TENT4A: variants seen among roughly 807,000 people sequenced by gnomAD.
TENT4A encodes the protein terminal nucleotidyltransferase 4A.
TENT4A carries 7 observed loss-of-function variants against 72.8 expected under a neutral mutation model. The observed-to-expected ratio is 0.10, with a 90% confidence interval of 0.05 to 0.18. The LOEUF is 0.18. Among genes scored for constraint, TENT4A ranks in the 10% least tolerant of loss-of-function variants. TENT4A has a pLI of 1.00. For missense variants in TENT4A, 831 were observed against 1,017.7 expected, an observed-to-expected ratio of 0.82 and a Z score of 2.50; for synonymous variants, 456 against 434.3, an observed-to-expected ratio of 1.05 and a Z score of -0.62.
At chr5:6,732,834 C>T (rs939008251) in intron 1 of TENT4A, among the ~76,000 whole-genome samples, 1 of 152,088 alleles carries the variant, frequency 6.6e-6, no homozygotes, top group South Asian at 2.1e-4. Context: ...GGAAGCTGAC[C>T]CTGCTCTCTG....
intron 2 of TENT4A, among the ~76,000 whole-genome samples, chr5:6,738,109 T>C (rs1289369938): frequency 6.6e-6 from 1 of 152,146 alleles, no homozygotes; most frequent in African/African-American, 2.4e-5. Flanking sequence ...AACAAGTGTT[T>C]TTTGACATGT....
chr5:6,754,682 C>A, intron 12 of TENT4A, 69 bp from the exon 13 acceptor site: 2 of 1,298,238 alleles, frequency 1.5e-6, no homozygotes, highest in South Asian at 1.6e-5. Flanking sequence ...TTAGTGTGGT[C>A]ACTGCCCGAG....
chr5:6,738,850 A>G, intron 3 of TENT4A, 121 bp downstream of exon 3: 1 of 758,876 alleles, frequency 1.3e-6, no homozygotes, highest in South Asian at 1.5e-5. Context: ...AGCTAAAGGA[A>G]AAGACTGTGG....
intron 2 of TENT4A, 26 bp downstream of exon 2, chr5:6,737,659 G>A: frequency 6.2e-7 from 1 of 1,608,282 alleles, no homozygotes; most frequent in Non-Finnish European, 8.5e-7. Flanking sequence ...GGAGTTCTGT[G>A]TCGCACGTCA....
intron 1 of TENT4A, among the ~76,000 whole-genome samples, chr5:6,735,748 G>GT (rs35689170): frequency 0.59 from 87,931 of 148,934 alleles, 26,755 homozygotes; most frequent in Non-Finnish European, 0.67. Flanking sequence ...TTGGGGTGAG[G>GT]TTTTTTCTTA....
chr5:6,752,920 T>C lies in TENT4A; in HGVS notation c.2067T>C (p.Pro689=), dbSNP rs1418712784. 4.3e-6 allele frequency: 7 copies of C among 1,614,206 alleles called. No homozygotes were observed. The highest frequency in any genetic ancestry group is 5.9e-6 in the Non-Finnish European group (7 of 1,180,034). ...CGACCCTAGGGGTTGCTCCTGTTCC[T>C]TGCAGACAAGCTGGTGTAGAAGGAA... ...PPPTLGVAPV[P]CRQAGVEGTA... The change falls in exon 12 of 13, where the codon CCT becomes CCC. Residue 689 remains proline, a synonymous_variant. Transcript: ENST00000230859.
Position 6,740,774 on chromosome 5 carries a change from C to T in TENT4A, c.1008+922C>T, listed in dbSNP as rs573262892. On this transcript the variant is annotated intron_variant, in intron 4 of 12. Coordinates refer to ENST00000230859, the MANE Select transcript of TENT4A (RefSeq NM_006999.6). ...GCAGCACCAGAGGTTCCCTCCAGGC[C>T]CAGGTTCCAGAAGGGGCTGTTGGCT... Among the ~76,000 whole-genome samples the T allele has an allele frequency of 1.6e-4, 25 of 152,328 alleles. 1 individual carries two copies. In the South Asian group the frequency reaches 4.6e-3, roughly 28 times the overall value.
rs1031549535 is a variant in TENT4A at position 6,754,045 on chromosome 5, CACAGGCTGCTGCATGCTGGGATCG to C, written c.2185-694_2185-671del. 5.3e-5 allele frequency among the ~76,000 whole-genome samples: 8 copies of C among 152,224 alleles called. No homozygotes were observed. The East Asian group carries it at 1.5e-3, about 29-fold the overall frequency. ...GAATGTGCTTTGGGTGTAGCCCAAG[CACAGGCTGCTGCATGCTGGGATCG>C]ACAGGCTGCTGAGGGCGAGAGCGCC... On this transcript the variant is annotated intron_variant, in intron 12 of 12. Transcript: ENST00000230859.
In TENT4A at chr5:6,738,532, T is replaced by G. The variant is rs75302839; in HGVS notation, c.841-151T>G. The G allele has an allele frequency of 7.5e-4, 504 of 675,258 alleles. 3 individuals are homozygous for G. In the African/African-American group the frequency reaches 8.1e-3, roughly 11 times the overall value. The allele number at this position is 675,258 out of a possible 1,614,324, so 41.8% of individuals were successfully genotyped here. ...CTTTAACTTAAAGGGAATTTTCTGG[T>G]TGATTGTTATACGGTCCCCTCCATC... On this transcript the variant is annotated intron_variant, in intron 2 of 12. Transcript: ENST00000230859.
intron 1 of TENT4A, among the ~76,000 whole-genome samples, chr5:6,719,877 C>G (rs1740560480): frequency 6.6e-6 from 1 of 152,164 alleles, no homozygotes; most frequent in African/African-American, 2.4e-5. Flanking sequence ...TTTTGTGTGT[C>G]AGATCAGGGA....
At chr5:6,751,018 G>C in intron 10 of TENT4A, 21 bp from the exon 11 acceptor site, 2 of 1,603,240 alleles carry the variant, frequency 1.2e-6, no homozygotes, top group Non-Finnish European at 1.7e-6. Context: ...TGTCCTTTTT[G>C]TTTTTTGTAC....
intron 6 of TENT4A, among the ~76,000 whole-genome samples, chr5:6,745,540 C>T (rs1459664145): frequency 6.6e-6 from 1 of 152,076 alleles, no homozygotes; most frequent in Non-Finnish European, 1.5e-5. Flanking sequence ...TGTTTTAATT[C>T]ATTTAAATAG....
intron 1 of TENT4A, among the ~76,000 whole-genome samples, chr5:6,730,892 A>G (rs1741177744): frequency 6.6e-6 from 1 of 152,230 alleles, no homozygotes; most frequent in Non-Finnish European, 1.5e-5. Context: ...CAGTAAATGG[A>G]TACTTTAAAG....
chr5:6,740,712 A>G (rs1223016712), intron 4 of TENT4A, among the ~76,000 whole-genome samples: 3 of 152,230 alleles, frequency 2.0e-5, no homozygotes, highest in Non-Finnish European at 4.4e-5. Context: ...CGAAGTGCAC[A>G]TGCTCATGTC....
intron 12 of TENT4A, among the ~76,000 whole-genome samples, chr5:6,754,107 G>C (rs937028704): frequency 6.6e-6 from 1 of 152,228 alleles, no homozygotes; most frequent in African/African-American, 2.4e-5. Context: ...GTCCTGGCAC[G>C]TGTGACTTGC....
rs28381391 is a variant in TENT4A at position 6,746,348 on chromosome 5, C to T, written c.1380C>T (p.Ile460=). The T allele has an allele frequency of 1.0e-4, 166 of 1,614,180 alleles. No homozygotes were observed. The African/African-American group carries it at 1.5e-3, about 14-fold the overall frequency. The change falls in exon 7 of 13, where the codon ATC becomes ATT. Residue 460 remains isoleucine, a synonymous_variant. Transcript: ENST00000230859. ...GAATCAAAGAAGGAGGTGCCTATAT[C>T]GCCAAAGAGGAGATCATGAAAGCCA... ...GIRIKEGGAY[I]AKEEIMKAMT... is the part of the protein sequence containing the mutation.
rs1466345974 is a variant in TENT4A, at chr5:6,713,606, C to T, written c.-378C>T. 1.4e-5 allele frequency: 2 copies of T among 147,616 alleles called. No individual in the cohort carries two copies. Among genetic ancestry groups the T allele is most frequent in the East Asian group, 2.0e-4 (1 of 5,056 alleles). The allele number at this position is 147,616 out of a possible 1,614,324, so 9.1% of individuals were successfully genotyped here. ...GGGCCCGCCCCCTCGGCCCCGCCGC[C>T]CGCCCTTCTCCGATGGCCTCTCCCC... On this transcript the variant is annotated 5_prime_UTR_variant, in exon 1 of 13. Transcript: ENST00000230859.
rs1173068931 is a variant in TENT4A at position 6,714,237 on chromosome 5, C to T, written c.254C>T (p.Pro85Leu). 7 of 1,011,308 alleles carry T rather than the reference C, an allele frequency of 6.9e-6. No individual in the cohort carries two copies. The highest frequency in any genetic ancestry group is 4.5e-5 in the South Asian group (1 of 22,118). 62.6% of individuals were successfully genotyped at this position (1,011,308 alleles called of 1,614,324 possible). A position where few individuals can be genotyped will look rare whatever the true frequency, so the allele number is the denominator to read the frequency against. ...GGCCCCACCGCGCCCGCCGCGCTGC[C>T]CCCCGCGCTGCTGACGGCGCTGGGG... is the stretch of plus-strand genomic sequence containing the variant. ...PPGPTAPAAL[P>L]PALLTALGPA... is the part of the protein sequence containing the mutation. Residue 85 changes from proline to leucine, a missense_variant, in exon 1 of 13, where the codon CCC becomes CTC. Pro to Leu is a moderately conservative substitution (Grantham distance 98, BLOSUM62 -3). This residue lies in a region of TENT4A where 302 missense variants were observed against 293.8 expected (regional missense o/e 1.03). Coordinates refer to ENST00000230859, the MANE Select transcript of TENT4A (RefSeq NM_006999.6).
At chr5:6,715,540 C>G (rs72724286) in intron 1 of TENT4A, among the ~76,000 whole-genome samples, 4 of 152,134 alleles carry the variant, frequency 2.6e-5, no homozygotes, top group African/African-American at 7.2e-5. Flanking sequence ...GGTTGTATGT[C>G]AGTATTTTAA....
Sources: allele counts gnomAD v4.1 joint callset (sites outside exome capture counted in the v4.1 genomes callset), GRCh38; gene constraint gnomAD v4.1.1; regional missense constraint gnomAD v4.1.1; transcripts MANE v1.5; gene names NCBI Gene and HGNC (gene_info 2026-07-23, HGNC 2026-07-21).